The following MAP2 variants were observed in gnomAD, a reference collection of about 807,000 sequenced individuals.
The protein encoded by MAP2 is microtubule associated protein 2.
Under a neutral mutation model 137.6 loss-of-function variants are expected in MAP2, and 14 were observed. The observed-to-expected ratio is 0.10, with a 90% CI of 0.07 to 0.16. The LOEUF is 0.16. MAP2 is among the 10% of genes least tolerant of loss of function. The pLI, the probability that MAP2 is intolerant of heterozygous loss-of-function variation, is 1.00. For missense variants in MAP2, 2,088 were observed against 2,191.5 expected, an observed-to-expected ratio of 0.95 and a Z score of 0.94; for synonymous variants, 786 against 782.3, an observed-to-expected ratio of 1.00 and a Z score of -0.08.
chr2:209,600,440 T>C (rs984154592), intron 3 of MAP2, among the ~76,000 whole-genome samples: 1 of 152,206 alleles, frequency 6.6e-6, no homozygotes, highest in Non-Finnish European at 1.5e-5. Flanking sequence ...ACCCACCAGC[T>C]GCTGTCAGTC....
chr2:209,583,418 A>G (rs1195133211), intron 3 of MAP2, among the ~76,000 whole-genome samples: 1 of 152,086 alleles, frequency 6.6e-6, no homozygotes, highest in Non-Finnish European at 1.5e-5. Flanking sequence ...TATATAAGAA[A>G]ATTAGAGAAT....
chr2:209,526,486 TTG>T (rs1029455870), intron 2 of MAP2, among the ~76,000 whole-genome samples: 3 of 151,550 alleles, frequency 2.0e-5, no homozygotes, highest in Non-Finnish European at 2.9e-5. Flanking sequence ...GTTTTTTGGT[TTG>T]TTTCTTTATT....
chr2:209,676,765 ATATATATC>A (rs1379635618), intron 5 of MAP2, among the ~76,000 whole-genome samples: 3 of 99,032 alleles, frequency 3.0e-5, no homozygotes, highest in African/African-American at 4.1e-5. Context: ...ATATATATAT[ATATATATC>A]TCCCAATTTC....
chr2:209,585,058 T>C (rs1384933438), intron 3 of MAP2, among the ~76,000 whole-genome samples: 1 of 151,924 alleles, frequency 6.6e-6, no homozygotes, highest in Non-Finnish European at 1.5e-5. Context: ...GTTTAGGACA[T>C]GAGGCTGGAT....
intron 5 of MAP2, among the ~76,000 whole-genome samples, chr2:209,660,380 C>A (rs1385113612): frequency 7.1e-6 from 1 of 141,412 alleles, no homozygotes; most frequent in African/African-American, 2.6e-5. Flanking sequence ...TTTATTGTTG[C>A]TGCAATTTTT....
At chr2:209,678,392 T>A (rs1559538822) in intron 5 of MAP2, among the ~76,000 whole-genome samples, 180 bp from the exon 6 acceptor site, 2 of 152,114 alleles carry the variant, frequency 1.3e-5, no homozygotes, top group Non-Finnish European at 2.9e-5. Flanking sequence ...AATACCAACT[T>A]CTTTTCTTCT....
intron 1 of MAP2, among the ~76,000 whole-genome samples, chr2:209,443,109 A>G (rs766021691): frequency 5.9e-5 from 9 of 151,670 alleles, no homozygotes; most frequent in South Asian, 2.1e-4. Context: ...GAAGCATGCT[A>G]TCTCTTCAAT....
At chr2:209,436,065 G>T (rs1696185834) in intron 1 of MAP2, among the ~76,000 whole-genome samples, 1 of 119,466 alleles carries the variant, frequency 8.4e-6, no homozygotes, top group African/African-American at 2.8e-5. Flanking sequence ...TAAAGCAAAA[G>T]AACAAAGATT....
chr2:209,721,464 A>G lies in MAP2; in HGVS notation c.5074-4245A>G, dbSNP rs184443139. On this transcript the variant is annotated intron_variant, in intron 13 of 15. Transcript: ENST00000682079. ...AAGTCTACCTGCAAGAGAGGCAAGC[A>G]GGTTTTTTTGATAGAATATCTGTGA... 6.3e-4 allele frequency among the ~76,000 whole-genome samples: 96 copies of G among 152,348 alleles called. 1 individual carries two copies. The highest frequency in any genetic ancestry group is 2.3e-3 in the African/African-American group (95 of 41,594).
intron 2 of MAP2, among the ~76,000 whole-genome samples, chr2:209,546,452 T>C (rs1396832229): frequency 6.6e-6 from 1 of 152,238 alleles, no homozygotes; most frequent in Non-Finnish European, 1.5e-5. Flanking sequence ...AGAGATAATG[T>C]CTGTGGAGTC....
intron 2 of MAP2, among the ~76,000 whole-genome samples, chr2:209,518,602 T>C (rs915437552): frequency 1.3e-5 from 2 of 152,082 alleles, no homozygotes; most frequent in Non-Finnish European, 2.9e-5. Context: ...CCACTTTTTT[T>C]CCCTACAAAT....
In MAP2 at chr2:209,731,589, T is replaced by C. The variant is rs563082481; in HGVS notation, c.*1192T>C. The C allele has an allele frequency of 6.5e-6, 1 of 152,764 alleles. No homozygotes were observed. Among genetic ancestry groups the C allele is most frequent in the East Asian group, 1.9e-4 (1 of 5,180 alleles). The allele number at this position is 152,764 out of a possible 1,614,324, so 9.5% of individuals were successfully genotyped here. A position where few individuals can be genotyped will look rare whatever the true frequency, so the allele number is the denominator to read the frequency against. ...GATAGTTTGGGGTTTATTCCTATTATTATTCATGAAACCGACTTAAGATTT... is the reference window on the plus strand; with the variant it reads ...GATAGTTTGGGGTTTATTCCTATTACTATTCATGAAACCGACTTAAGATTT... On this transcript the variant is annotated 3_prime_UTR_variant, in exon 16 of 16. Transcript: ENST00000682079.
At chr2:209,670,533 G>T (rs113896666) in intron 5 of MAP2, among the ~76,000 whole-genome samples, 3 of 151,840 alleles carry the variant, frequency 2.0e-5, no homozygotes, top group Non-Finnish European at 4.4e-5. Flanking sequence ...ACTGATAATA[G>T]TATTAATTTA....
rs2094926130 is a variant in MAP2, at chr2:209,653,297, C to T, written c.127C>T (p.Arg43Ter). The change falls in exon 5 of 16, where the codon CGA (arginine) becomes TGA (stop). Residue 43 changes from arginine (R) to a stop codon, truncating the protein, a stop_gained. Transcript: ENST00000682079. LOFTEE classifies it high-confidence loss of function. ...DQGGAGEGLV[R>*]SANGFPYRED... ...AGGCGGAGCAGGGGAAGGACTTGTCCGAAGCGCCAATGGATTCCCATACAG... is the reference window on the plus strand; with the variant it reads ...AGGCGGAGCAGGGGAAGGACTTGTCTGAAGCGCCAATGGATTCCCATACAG... The T allele has an allele frequency of 6.2e-7, 1 of 1,613,958 alleles. No homozygotes were observed. Among genetic ancestry groups the T allele is most frequent in the African/African-American group, 1.3e-5 (1 of 74,910 alleles).
intron 1 of MAP2, among the ~76,000 whole-genome samples, chr2:209,427,857 T>C (rs112391837): frequency 4.4e-4 from 67 of 152,132 alleles, no homozygotes; most frequent in African/African-American, 1.6e-3. Flanking sequence ...TGGGTGGGCG[T>C]AGAGGAAGAT....
intron 1 of MAP2, among the ~76,000 whole-genome samples, chr2:209,444,575 G>T (rs534555966): frequency 1.4e-4 from 21 of 151,450 alleles, no homozygotes; most frequent in Non-Finnish European, 2.7e-4. Flanking sequence ...GTGAATTTTG[G>T]TTGCAGTTTA....
At chr2:209,611,045 ATAATC>A (rs1181657944) in intron 3 of MAP2, among the ~76,000 whole-genome samples, 4 of 152,212 alleles carry the variant, frequency 2.6e-5, no homozygotes, top group South Asian at 2.1e-4. Flanking sequence ...AGAGTGGAAA[ATAATC>A]TATAAGTTAC....
At chr2:209,604,666 T>A (rs1017561574) in intron 3 of MAP2, among the ~76,000 whole-genome samples, 1 of 152,178 alleles carries the variant, frequency 6.6e-6, no homozygotes, top group African/African-American at 2.4e-5. Flanking sequence ...ATTGTACACA[T>A]AGGCAGGCCC....
chr2:209,721,338 A>G (rs1287623444), intron 13 of MAP2, among the ~76,000 whole-genome samples: 1 of 152,232 alleles, frequency 6.6e-6, no homozygotes, highest in Non-Finnish European at 1.5e-5. Flanking sequence ...AAATTATAAT[A>G]TAAAGCTATT....
Sources: allele counts gnomAD v4.1 joint callset (sites outside exome capture counted in the v4.1 genomes callset), GRCh38; gene constraint gnomAD v4.1.1; transcripts MANE v1.5; gene names NCBI Gene and HGNC (gene_info 2026-07-23, HGNC 2026-07-21).